Variants in BBX observed in about 807,000 individuals in gnomAD.
BBX encodes HMG box transcription factor BBX.
A neutral mutation model predicts 100.2 loss-of-function variants in BBX; 30 were observed. The observed-to-expected ratio is 0.30, with a 90% CI of 0.22 to 0.41. The LOEUF is 0.41. BBX is among the 10% of genes least tolerant of loss of function. BBX has a pLI of 1.00. For missense variants in BBX, 1,023 were observed against 1,129.8 expected (o/e 0.91, Z 1.35); for synonymous variants, 376 against 388.1 (o/e 0.97, Z 0.37).
At chr3:107,595,293 A>G (rs1392382819) in intron 2 of BBX, among the ~76,000 whole-genome samples, 1 of 152,214 alleles carries the variant, frequency 6.6e-6, no homozygotes, top group Non-Finnish European at 1.5e-5. Context: ...TAGTAACTTT[A>G]TAATAGTTTG....
chr3:107,589,690 G>T (rs2053151280), intron 2 of BBX, among the ~76,000 whole-genome samples: 1 of 152,242 alleles, frequency 6.6e-6, no homozygotes, highest in Middle Eastern at 3.4e-3. Context: ...ACTCTTCATT[G>T]TCTCTGGGAA....
chr3:107,626,468 G>T (rs1217429279), intron 2 of BBX, among the ~76,000 whole-genome samples: 1 of 152,158 alleles, frequency 6.6e-6, no homozygotes, highest in Admixed American at 6.6e-5. Context: ...TCACTTAGCT[G>T]TGTGATTCTG....
chr3:107,609,619 G>A (rs1411217217), intron 2 of BBX, among the ~76,000 whole-genome samples: 3 of 151,988 alleles, frequency 2.0e-5, no homozygotes, highest in Non-Finnish European at 4.4e-5. Context: ...GTATGTGTCT[G>A]TGTGTCTAGG....
chr3:107,603,162 C>T (rs1325848239), intron 2 of BBX, among the ~76,000 whole-genome samples: 1 of 151,824 alleles, frequency 6.6e-6, no homozygotes, highest in Non-Finnish European at 1.5e-5. Flanking sequence ...GACGGGGTTT[C>T]ACCCTGTTGG....
chr3:107,526,991 C>T (rs1024887270), intron 2 of BBX, among the ~76,000 whole-genome samples: 1 of 152,128 alleles, frequency 6.6e-6, no homozygotes, highest in African/African-American at 2.4e-5. Flanking sequence ...AAATTAGGAA[C>T]AATTCGGTAG....
intron 2 of BBX, among the ~76,000 whole-genome samples, chr3:107,633,071 AATGAGT>A (rs1347125151): frequency 2.0e-5 from 3 of 152,170 alleles, no homozygotes; most frequent in African/African-American, 7.2e-5. Flanking sequence ...TTGTACAGTT[AATGAGT>A]ATAACTGTAG....
chr3:107,692,462 G>C (rs1489757183), intron 3 of BBX, among the ~76,000 whole-genome samples: 1 of 151,070 alleles, frequency 6.6e-6, no homozygotes, highest in Admixed American at 6.6e-5. Flanking sequence ...TTTTGTCCTT[G>C]CAATAGTTTG....
At position 107,755,533 on chromosome 3, in the gene BBX, T is replaced by C; in HGVS notation, c.826-65T>C. ...ACTAAGAAAAATTCCTGAATGTATA[T>C]GAATGAGAAGCAAAGATTCTGGTAT... On this transcript the variant is annotated intron_variant, in intron 9 of 17. Transcript: ENST00000325805. 2.1e-6 allele frequency: 3 copies of C among 1,428,196 alleles called. No individual in the cohort carries two copies. The Middle Eastern group carries it at 5.4e-4, about 258-fold the overall frequency. 88.5% of individuals were successfully genotyped at this position (1,428,196 alleles called of 1,614,324 possible). A position where few individuals can be genotyped will look rare whatever the true frequency, so the allele number is the denominator to read the frequency against.
intron 8 of BBX, among the ~76,000 whole-genome samples, chr3:107,746,058 CT>C (rs1021988890): frequency 2.0e-5 from 3 of 152,030 alleles, no homozygotes; most frequent in Non-Finnish European, 2.9e-5. Flanking sequence ...CCCCCTCCCC[CT>C]TTTTTTAGAA....
intron 2 of BBX, among the ~76,000 whole-genome samples, chr3:107,633,748 T>C (rs1460860807): frequency 1.3e-5 from 2 of 152,258 alleles, no homozygotes; most frequent in Non-Finnish European, 2.9e-5. Flanking sequence ...AAACATCTGC[T>C]TATTGATTTC....
chr3:107,797,943 T>A (rs2069922634), intron 15 of BBX, among the ~76,000 whole-genome samples: 1 of 152,218 alleles, frequency 6.6e-6, no homozygotes, highest in East Asian at 1.9e-4. Flanking sequence ...GAAAGAGAGT[T>A]TCTTTCCTTG....
chr3:107,654,399 T>C lies in BBX; in HGVS notation c.-10+8490T>C, dbSNP rs535949200. Among the ~76,000 whole-genome samples, 15 of 152,264 alleles carry C rather than the reference T, an allele frequency of 9.9e-5. No individual in the cohort carries two copies. The East Asian group carries it at 2.7e-3, about 27-fold the overall frequency. On this transcript the variant is annotated intron_variant, in intron 3 of 17. Transcript: ENST00000325805. ...GTAGAAGTGTTTCAATCATGTCTCT[T>C]TTTATGAGTTTTTCCCTAATCAGCA...
rs750375871 is a variant in BBX, at chr3:107,801,157, G to A, written c.2614G>A (p.Asp872Asn). The A allele has an allele frequency of 1.9e-6, 3 of 1,614,068 alleles. No homozygotes were observed. Among genetic ancestry groups the A allele is most frequent in the African/African-American group, 2.7e-5 (2 of 74,918 alleles). Reference sequence around the variant, plus strand: ...TAAAGCAACTGAGACAGACTGCAATGACAAATGCTCACACAACACCGAGGT... The same window carrying A: ...TAAAGCAACTGAGACAGACTGCAATAACAAATGCTCACACAACACCGAGGT... ...LPKATETDCNDKCSHNTEVGE... is the reference protein window; with the variant it reads ...LPKATETDCNNKCSHNTEVGE... Residue 872 changes from aspartate (D) to asparagine (N), a missense_variant, in exon 17 of 18, where the codon GAC (aspartate) becomes AAC (asparagine). Transcript: ENST00000325805.
chr3:107,774,052 A>G (rs1229029232), intron 11 of BBX, among the ~76,000 whole-genome samples: 3 of 152,148 alleles, frequency 2.0e-5, no homozygotes, highest in Admixed American at 6.5e-5. Context: ...TTCTCTCTTC[A>G]TTAGGTAATC....
chr3:107,681,215 G>A (rs998459398), intron 3 of BBX, among the ~76,000 whole-genome samples: 3 of 152,110 alleles, frequency 2.0e-5, no homozygotes, highest in Admixed American at 1.3e-4. Context: ...CAGAGGTCAC[G>A]TAGAAAATAT....
chr3:107,798,696 G>T lies in BBX; in HGVS notation c.2527G>T (p.Val843Leu). The T allele has an allele frequency of 6.2e-7, 1 of 1,614,024 alleles. No individual in the cohort carries two copies. Among genetic ancestry groups the T allele is most frequent in the Non-Finnish European group, 8.5e-7 (1 of 1,180,000 alleles). The change falls in exon 16 of 18, where the codon GTA (valine) becomes TTA (leucine). Residue 843 changes from valine to leucine, a missense_variant. Around this residue, in one of 9 missense-constraint regions of BBX, gnomAD observed 104 missense variants for 132.2 expected, o/e 0.79. Coordinates refer to ENST00000325805, the MANE Select transcript of BBX (RefSeq NM_001142568.3). ...THLVRTADGR[V>L]SPAGGTLDDK... is the part of the protein sequence containing the mutation. ...CCTTGTCAGGACAGCAGATGGCCGG[G>T]TATCACCAGCAGGAGGTACTTTGGG... is the stretch of plus-strand genomic sequence containing the variant.
chr3:107,776,631 G>A (rs2067342290), intron 12 of BBX, among the ~76,000 whole-genome samples: 1 of 152,116 alleles, frequency 6.6e-6, no homozygotes, highest in Non-Finnish European at 1.5e-5. Context: ...CAGAAAATGT[G>A]CTACCTGTTA....
intron 2 of BBX, among the ~76,000 whole-genome samples, chr3:107,623,930 G>A (rs9813169): frequency 0.082 from 12,451 of 152,218 alleles, 744 homozygotes; most frequent in Middle Eastern, 0.15. Context: ...TAGTAATACT[G>A]TATAGATAGA....
At chr3:107,800,728 G>A (rs1162373350) in intron 16 of BBX, among the ~76,000 whole-genome samples, 2 of 152,196 alleles carry the variant, frequency 1.3e-5, no homozygotes, top group Non-Finnish European at 2.9e-5. Context: ...AGTCAGTTGG[G>A]TTTTTAAGGG....
Sources: gnomAD v4.1 joint callset for allele counts (sites outside exome capture counted in the v4.1 genomes callset) on GRCh38, gnomAD v4.1.1 for gene constraint, gnomAD v4.1.1 regional missense constraint, MANE v1.5 for transcripts, NCBI Gene and HGNC (gene_info 2026-07-23, HGNC 2026-07-21) for gene names.